The following ADARB1 variants were observed in gnomAD, a reference collection of about 807,000 sequenced individuals.
ADARB1 encodes the protein adenosine deaminase RNA specific B1, also known as double-stranded RNA-specific editase 1.
Under a neutral mutation model 52.4 loss-of-function variants are expected in ADARB1, and 10 were observed. That is an observed-to-expected ratio of 0.19 (90% CI 0.12 to 0.32). The LOEUF is 0.32. Among genes scored for constraint, ADARB1 ranks in the 10% least tolerant of loss-of-function variants. The pLI, the probability that ADARB1 is intolerant of heterozygous loss-of-function variation, is 1.00. For synonymous variants in ADARB1, 349 were observed against 371.1 expected, an observed-to-expected ratio of 0.94 and a Z score of 0.68; for missense variants, 643 against 922.3, an observed-to-expected ratio of 0.70 and a Z score of 3.92.
At chr21:45,110,431 G>A (rs1253627875) in intron 1 of ADARB1, among the ~76,000 whole-genome samples, 1 of 152,194 alleles carries the variant, frequency 6.6e-6, no homozygotes, top group Non-Finnish European at 1.5e-5. Context: ...GTGACTTGGG[G>A]ACCGCGTTGT....
At chr21:45,129,410 AG>A (rs1156320600) in intron 2 of ADARB1, among the ~76,000 whole-genome samples, 1 of 152,176 alleles carries the variant, frequency 6.6e-6, no homozygotes, top group African/African-American at 2.4e-5. Flanking sequence ...GTACATTTCC[AG>A]GGAAGCTTTT....
intron 9 of ADARB1, among the ~76,000 whole-genome samples, chr21:45,214,370 C>T (rs907531596): frequency 6.3e-4 from 96 of 152,200 alleles, no homozygotes; most frequent in African/African-American, 2.2e-3. Flanking sequence ...ACGCAAACCA[C>T]ATAATTTTAA....
chr21:45,139,915 T>A (rs1026885966), intron 2 of ADARB1, among the ~76,000 whole-genome samples: 1 of 150,058 alleles, frequency 6.7e-6, no homozygotes, highest in Non-Finnish European at 1.5e-5. Flanking sequence ...TGAGGTAAAA[T>A]GTACAGACAA....
intron 1 of ADARB1, among the ~76,000 whole-genome samples, chr21:45,124,390 T>C (rs998452027): frequency 3.9e-5 from 6 of 152,174 alleles, no homozygotes; most frequent in African/African-American, 1.2e-4. Flanking sequence ...TTCTTTTTCT[T>C]GAGACAAGGT....
Position 45,222,511 on chromosome 21 carries a change from G to C in ADARB1, c.*314G>C. 1.0e-5 allele frequency: 12 copies of C among 1,152,830 alleles called. No individual in the cohort carries two copies. Among genetic ancestry groups the C allele is most frequent in the Non-Finnish European group, 1.3e-5 (12 of 937,210 alleles). The allele number at this position is 1,152,830 out of a possible 1,614,324, so 71.4% of individuals were successfully genotyped here. On this transcript the variant is annotated 3_prime_UTR_variant, in exon 11 of 11. Transcript: ENST00000348831. ...ACGTTTAGAAATTGAGTTCTACTGA[G>C]TAGGGCTTCCTTAAGTTTAGGAAAA...
chr21:45,130,364 G>C (rs992548882), intron 2 of ADARB1, among the ~76,000 whole-genome samples: 1 of 152,168 alleles, frequency 6.6e-6, no homozygotes, highest in Non-Finnish European at 1.5e-5. Context: ...AATCAGGCCA[G>C]AAGGAGATAT....
intron 2 of ADARB1, among the ~76,000 whole-genome samples, chr21:45,159,722 T>C (rs986710558): frequency 9.9e-5 from 15 of 152,164 alleles, no homozygotes; most frequent in African/African-American, 3.4e-4. Flanking sequence ...TGCCAGCCTC[T>C]TCTGACTTTT....
At chr21:45,141,106 G>C (rs963374065) in intron 2 of ADARB1, among the ~76,000 whole-genome samples, 1 of 152,176 alleles carries the variant, frequency 6.6e-6, no homozygotes, top group Non-Finnish European at 1.5e-5. Flanking sequence ...GCTGAGGTGG[G>C]AGAATTGCTT....
At chr21:45,116,981 G>C (rs757126686) in intron 1 of ADARB1, 3 of 152,114 alleles carry the variant, frequency 2.0e-5, no homozygotes, top group Non-Finnish European at 2.9e-5. Context: ...AGGCCTCTCA[G>C]GTCATTGAAA....
At position 45,224,050 on chromosome 21, in the gene ADARB1, G is replaced by C; in HGVS notation, c.*1853G>C. On this transcript the variant is annotated 3_prime_UTR_variant, in exon 11 of 11. Coordinates refer to ENST00000348831, the MANE Select transcript of ADARB1 (RefSeq NM_001112.4). ...GGGTTCTGCACCTGCAGAAGGAGAG[G>C]GGTCTGTTGTCGCTGGCTTTCCCCC... The C allele has an allele frequency of 1.0e-6, 1 of 985,424 alleles. No individual in the cohort carries two copies. Among genetic ancestry groups the C allele is most frequent in the Non-Finnish European group, 1.2e-6 (1 of 829,958 alleles). 61.0% of individuals were successfully genotyped at this position (985,424 alleles called of 1,614,324 possible).
intron 9 of ADARB1, among the ~76,000 whole-genome samples, chr21:45,219,927 A>G (rs558615983): frequency 6.6e-6 from 1 of 150,952 alleles, no homozygotes; most frequent in Admixed American, 6.6e-5. Flanking sequence ...AAATGCTGCC[A>G]TGGCCTGTGC....
intron 1 of ADARB1, among the ~76,000 whole-genome samples, chr21:45,084,290 G>T (rs898811503): frequency 3.9e-5 from 6 of 152,258 alleles, no homozygotes; most frequent in African/African-American, 1.4e-4. Context: ...TCTAATGGTA[G>T]GTGGTGCTAC....
intron 2 of ADARB1, among the ~76,000 whole-genome samples, chr21:45,167,858 A>G (rs1405898669): frequency 2.0e-5 from 3 of 152,260 alleles, no homozygotes; most frequent in African/African-American, 7.2e-5. Context: ...GCCCAGGAGT[A>G]CAATTGCTGA....
At chr21:45,092,964 T>C (rs1429302155) in intron 1 of ADARB1, among the ~76,000 whole-genome samples, 3 of 152,094 alleles carry the variant, frequency 2.0e-5, no homozygotes, top group African/African-American at 7.2e-5. Flanking sequence ...TTCCATTTTC[T>C]AAAGTCGAGG....
In ADARB1 at chr21:45,140,205, A is replaced by G. The variant is rs534843934; in HGVS notation, c.-48+11632A>G. Among the ~76,000 whole-genome samples, 3 of 152,248 alleles carry G rather than the reference A, an allele frequency of 2.0e-5. No individual in the cohort carries two copies. The East Asian group carries it at 5.8e-4, about 29-fold the overall frequency. On this transcript the variant is annotated intron_variant, in intron 2 of 10. Transcript: ENST00000348831. ...TGATCCACCCACCTCAACCCAGCCAAAAATCATTCTTCTAAAGTGTGCACT... is the reference window on the plus strand; with the variant it reads ...TGATCCACCCACCTCAACCCAGCCAGAAATCATTCTTCTAAAGTGTGCACT...
At chr21:45,123,155 T>C (rs1188592432) in intron 1 of ADARB1, among the ~76,000 whole-genome samples, 1 of 152,214 alleles carries the variant, frequency 6.6e-6, no homozygotes, top group African/African-American at 2.4e-5. Context: ...ATAATTTTAA[T>C]TGCATGTCCA....
At position 45,222,368 on chromosome 21, in the gene ADARB1, A is replaced by G; in HGVS notation, c.*171A>G. 7.3e-7 allele frequency: 1 copy of G among 1,365,794 alleles called. No homozygotes were observed. The highest frequency in any genetic ancestry group is 9.4e-7 in the Non-Finnish European group (1 of 1,066,522). 84.6% of individuals were successfully genotyped at this position (1,365,794 alleles called of 1,614,324 possible). ...CAGCATCTCACATCAGACCTGGGGC[A>G]GGTGCGCAGTGTGGGGAGGGGATGG... On this transcript the variant is annotated 3_prime_UTR_variant, in exon 11 of 11. Transcript: ENST00000348831.
chr21:45,173,095 A>G (rs1226471471), intron 3 of ADARB1, among the ~76,000 whole-genome samples: 6 of 152,238 alleles, frequency 3.9e-5, no homozygotes, highest in Admixed American at 2.0e-4. Flanking sequence ...GTCACCTCGC[A>G]TAGACAGAGG....
intron 1 of ADARB1, among the ~76,000 whole-genome samples, chr21:45,095,582 G>A (rs2086725415): frequency 6.6e-6 from 1 of 151,176 alleles, no homozygotes; most frequent in Non-Finnish European, 1.5e-5. Context: ...TCTGCATCCC[G>A]CTGTTTCAGG....
Sources: gnomAD v4.1 joint callset for allele counts (sites outside exome capture counted in the v4.1 genomes callset) on GRCh38, gnomAD v4.1.1 for gene constraint, MANE v1.5 for transcripts, NCBI Gene and HGNC (gene_info 2026-07-23, HGNC 2026-07-21) for gene names.